RELT: variants seen among roughly 807,000 people sequenced by gnomAD.
RELT encodes the protein RELT TNF receptor.
RELT carries 37 observed loss-of-function variants against 51.1 expected under a neutral mutation model. That is an observed-to-expected ratio of 0.72 (90% CI 0.56 to 0.95). The LOEUF is 0.95. Ranked by LOEUF, RELT falls within the 40% of genes least tolerant of loss-of-function variation. RELT has a pLI of 0.00. For synonymous variants in RELT, 241 were observed against 235.7 expected, an observed-to-expected ratio of 1.02 and a Z score of -0.21; for missense variants, 535 against 572.6, an observed-to-expected ratio of 0.93 and a Z score of 0.67.
Position 73,395,220 on chromosome 11 carries a change from G to A in RELT, c.1180G>A (p.Ala394Thr), listed in dbSNP as rs768343317. 10 of 1,613,120 alleles carry A rather than the reference G, an allele frequency of 6.2e-6. No homozygotes were observed. In the African/African-American group the frequency reaches 8.0e-5, roughly 13 times the overall value. The change falls in exon 10 of 11, where the codon GCC (alanine) becomes ACC (threonine). Residue 394 changes from alanine (A) to threonine (T), a missense_variant. Physicochemically the swap from Ala to Thr is moderately conservative, Grantham distance 58. Transcript: ENST00000064780. ...PQPGLPPEQQ[A>T]LLGSGGSRTK... Reference sequence around the variant, plus strand: ...GCCTGGCCTCCCCCCTGAGCAGCAGGCCCTGCTAGGAAGTGGCGGAAGCCG... The same window carrying A: ...GCCTGGCCTCCCCCCTGAGCAGCAGACCCTGCTAGGAAGTGGCGGAAGCCG...
chr11:73,392,232 G>T lies in RELT; in HGVS notation c.389G>T (p.Arg130Leu). Residue 130 changes from arginine (R) to leucine (L), a missense_variant, in exon 6 of 11, where the codon CGT becomes CTT. Arg to Leu is a moderately radical substitution (Grantham distance 102, BLOSUM62 -2). Coordinates refer to ENST00000064780, the MANE Select transcript of RELT (RefSeq NM_152222.2). ...TCAGAGTGGGGGCGGCGGGCCCGAC[G>T]TGGCGTGGAGGTGGCAGCAGGGGCC... is the stretch of plus-strand genomic sequence containing the variant. ...GCDEWGRRAR[R>L]GVEVAAGASS... 1 of 1,611,806 alleles carries T rather than the reference G, an allele frequency of 6.2e-7. No homozygotes were observed. The highest frequency in any genetic ancestry group is 8.5e-7 in the Non-Finnish European group (1 of 1,179,052).
intron 1 of RELT, among the ~76,000 whole-genome samples, chr11:73,384,073 C>T (rs1325352667): frequency 6.6e-6 from 1 of 152,148 alleles, no homozygotes; most frequent in Non-Finnish European, 1.5e-5. Context: ...GAGTAGCTGC[C>T]TCCCTACCTG....
intron 4 of RELT, 42 bp downstream of exon 4, chr11:73,390,963 C>G: frequency 6.3e-7 from 1 of 1,597,830 alleles, no homozygotes; most frequent in East Asian, 2.2e-5. Context: ...GGCTGGGTGA[C>G]CAGGACTCTG....
At chr11:73,389,053 G>T in intron 1 of RELT, 59 bp from the exon 2 acceptor site, 1 of 859,554 alleles carries the variant, frequency 1.2e-6, no homozygotes, top group South Asian at 1.4e-5. Flanking sequence ...GTGCTGAGGG[G>T]ACAGCAGCTG....
chr11:73,394,999 A>C lies in RELT; in HGVS notation c.1047-88A>C, dbSNP rs1866288113. ...TCTCAGGCTAAGGCTCTGGTCCATG[A>C]ACTTGCTGTGTGACCCCGGGCACGT... On this transcript the variant is annotated intron_variant, in intron 9 of 10. Transcript: ENST00000064780. The surrounding 1 kb of genome is among the most constrained non-coding windows in gnomAD (Gnocchi z 4.9). 1 of 1,221,024 alleles carries C rather than the reference A, an allele frequency of 8.2e-7. No individual in the cohort carries two copies. The highest frequency in any genetic ancestry group is 1.2e-6 in the Non-Finnish European group (1 of 845,406). The allele number at this position is 1,221,024 out of a possible 1,614,324, so 75.6% of individuals were successfully genotyped here.
intron 1 of RELT, among the ~76,000 whole-genome samples, chr11:73,377,440 G>A (rs1349776328): frequency 6.6e-6 from 1 of 152,128 alleles, no homozygotes. Flanking sequence ...CCCCTCAGGA[G>A]TTCAGCTTGG....
intron 6 of RELT, chr11:73,393,340 C>T (rs546391417): frequency 9.0e-7 from 1 of 1,115,234 alleles, no homozygotes; most frequent in African/African-American, 1.6e-5. Context: ...CTGCTGGGCC[C>T]AGGGCTGATC....
rs1218278380 is a variant in RELT at position 73,390,436 on chromosome 11, G to T, written c.46-115G>T. Reference sequence around the variant, plus strand: ...AAGAGTGTGTCCCTGAAGCCCGGGTGGGGTAGTCAGTGGTCCCTACCACTG... The same window carrying T: ...AAGAGTGTGTCCCTGAAGCCCGGGTTGGGTAGTCAGTGGTCCCTACCACTG... On this transcript the variant is annotated intron_variant, in intron 2 of 10. Transcript: ENST00000064780. 35 of 897,268 alleles carry T rather than the reference G, an allele frequency of 3.9e-5. No homozygotes were observed. In the South Asian group the frequency reaches 4.3e-4, roughly 11 times the overall value. The allele number at this position is 897,268 out of a possible 1,614,324, so 55.6% of individuals were successfully genotyped here. A position where few individuals can be genotyped will look rare whatever the true frequency, so the allele number is the denominator to read the frequency against.
intron 1 of RELT, among the ~76,000 whole-genome samples, chr11:73,387,867 C>T (rs116149587): frequency 0.018 from 2,664 of 152,152 alleles, 81 homozygotes; most frequent in African/African-American, 0.061. Context: ...TCAGCCGCGG[C>T]GGCCCTGAGC....
At chr11:73,392,645 C>A in intron 6 of RELT, 177 bp downstream of exon 6, 1 of 1,413,536 alleles carries the variant, frequency 7.1e-7, no homozygotes, top group Non-Finnish European at 9.3e-7. Context: ...GAAGGTGTGG[C>A]CGTGGGGGCA....
intron 1 of RELT, among the ~76,000 whole-genome samples, chr11:73,378,306 G>A (rs59804106): frequency 0.013 from 1,940 of 151,976 alleles, 48 homozygotes; most frequent in African/African-American, 0.044. Context: ...TTCTGCTGTC[G>A]TCCTCTGAAA....
intron 1 of RELT, among the ~76,000 whole-genome samples, chr11:73,383,358 T>A (rs1480002984): frequency 6.6e-6 from 1 of 152,234 alleles, no homozygotes; most frequent in Non-Finnish European, 1.5e-5. Flanking sequence ...TCTTCCTGCC[T>A]CTTTCAGTTC....
At chr11:73,389,272 C>A in intron 2 of RELT, 91 bp downstream of exon 2, 1 of 916,202 alleles carries the variant, frequency 1.1e-6, no homozygotes, top group South Asian at 1.8e-5. Flanking sequence ...CCCGGGGAAC[C>A]CCCTGCTGGG....
chr11:73,390,679 G>A, intron 3 of RELT, 54 bp downstream of exon 3: 2 of 1,608,838 alleles, frequency 1.2e-6, no homozygotes, highest in East Asian at 2.2e-5. Context: ...AGGGCCAGGG[G>A]CAGAGTCCTG....
At chr11:73,385,489 T>C (rs551729612) in intron 1 of RELT, among the ~76,000 whole-genome samples, 1 of 152,266 alleles carries the variant, frequency 6.6e-6, no homozygotes, top group East Asian at 1.9e-4. Flanking sequence ...GAGCTGAGTC[T>C]GAGGAAACCC....
chr11:73,390,205 T>TG (rs1866187814), intron 2 of RELT, among the ~76,000 whole-genome samples: 1 of 151,752 alleles, frequency 6.6e-6, no homozygotes, highest in South Asian at 2.1e-4. Context: ...TAGGAGGAAG[T>TG]GGGGGCAGAA....
intron 1 of RELT, among the ~76,000 whole-genome samples, chr11:73,380,677 C>A (rs988808033): frequency 6.6e-6 from 1 of 152,216 alleles, no homozygotes; most frequent in South Asian, 2.1e-4. Flanking sequence ...CAAGAAGGGC[C>A]AGGCTGGTCA....
chr11:73,380,566 G>A (rs1302035979), intron 1 of RELT, among the ~76,000 whole-genome samples: 2 of 152,188 alleles, frequency 1.3e-5, no homozygotes, highest in Non-Finnish European at 2.9e-5. Flanking sequence ...AGCCACTTGT[G>A]TTGTAGTCAG....
At chr11:73,391,948 C>G (rs1201929289) in intron 5 of RELT, 1 of 575,716 alleles carries the variant, frequency 1.7e-6, no homozygotes, top group Non-Finnish European at 3.1e-6. Flanking sequence ...CATCTCTTCA[C>G]CCCCTGACCC....
Sources: allele counts gnomAD v4.1 joint callset (sites outside exome capture counted in the v4.1 genomes callset), GRCh38; gene constraint gnomAD v4.1.1; non-coding constraint Gnocchi (gnomAD v3.1); transcripts MANE v1.5; gene names NCBI Gene and HGNC (gene_info 2026-07-23, HGNC 2026-07-21).